The following DSCAM variants were observed in gnomAD, a reference collection of about 807,000 sequenced individuals.
DSCAM encodes the protein DS cell adhesion molecule.
In DSCAM, 47 loss-of-function variants were observed where a neutral mutation model predicts 217.7. The ratio of observed to expected loss-of-function variants is 0.22; its 90% confidence interval spans 0.17 to 0.28. DSCAM has a LOEUF of 0.28. DSCAM is among the 10% of genes least tolerant of loss of function. The pLI, the probability that DSCAM is intolerant of heterozygous loss-of-function variation, is 1.00. For missense variants in DSCAM, 2,080 were observed against 2,618.3 expected (o/e 0.79, Z 4.49); for synonymous variants, 1,056 against 1,015.3 (o/e 1.04, Z -0.76).
intron 1 of DSCAM, among the ~76,000 whole-genome samples, chr21:40,712,833 G>GA (rs987158855): frequency 6.6e-5 from 10 of 152,048 alleles, no homozygotes; most frequent in Non-Finnish European, 1.5e-4. Flanking sequence ...GAGAGAGAGA[G>GA]AAGGTGGGGG....
intron 1 of DSCAM, among the ~76,000 whole-genome samples, chr21:40,741,353 TA>T (rs1443708034): frequency 6.6e-6 from 1 of 152,196 alleles, no homozygotes; most frequent in Non-Finnish European, 1.5e-5. Flanking sequence ...ATTCACATGT[TA>T]ATAAAACATG....
At chr21:40,846,114 A>T (rs372076892) in intron 1 of DSCAM, among the ~76,000 whole-genome samples, 6 of 152,184 alleles carry the variant, frequency 3.9e-5, no homozygotes, top group African/African-American at 1.2e-4. Flanking sequence ...GAAGGACAGA[A>T]CATTCTTAAA....
intron 15 of DSCAM, among the ~76,000 whole-genome samples, chr21:40,178,427 A>G (rs2090756908): frequency 6.6e-6 from 1 of 152,220 alleles, no homozygotes; most frequent in South Asian, 2.1e-4. Context: ...AATAGAAAAA[A>G]GAGCAAAAAC....
chr21:40,219,220 T>C (rs1263891743), intron 11 of DSCAM, among the ~76,000 whole-genome samples: 1 of 152,226 alleles, frequency 6.6e-6, no homozygotes. Context: ...CTTTCCTGCA[T>C]CTATTGAGAT....
At chr21:40,637,632 A>AATATATATAT (rs72114529) in intron 3 of DSCAM, among the ~76,000 whole-genome samples, 3,320 of 42,020 alleles carry the variant, frequency 0.079, 190 homozygotes, top group South Asian at 0.12. Context: ...TACATATATA[A>AATATATATAT]ATATATATAA....
chr21:40,631,976 G>C (rs1053476250), intron 3 of DSCAM, among the ~76,000 whole-genome samples: 3 of 152,236 alleles, frequency 2.0e-5, no homozygotes, highest in African/African-American at 7.2e-5. Flanking sequence ...GTACAATTCT[G>C]ACAAAGTCTG....
intron 24 of DSCAM, among the ~76,000 whole-genome samples, chr21:40,081,717 T>G (rs577255240): frequency 7.9e-5 from 12 of 152,348 alleles, no homozygotes; most frequent in African/African-American, 2.9e-4. Flanking sequence ...TATAGTTCCC[T>G]GTCCCCTGCT....
chr21:40,115,871 C>G (rs538007266), intron 20 of DSCAM, among the ~76,000 whole-genome samples: 17 of 152,262 alleles, frequency 1.1e-4, no homozygotes, highest in Non-Finnish European at 1.9e-4. Context: ...CATTGCAGCT[C>G]TATTCACAAT....
chr21:40,450,852 G>T (rs556612011), intron 3 of DSCAM, among the ~76,000 whole-genome samples: 1 of 152,296 alleles, frequency 6.6e-6, no homozygotes, highest in African/African-American at 2.4e-5. Context: ...TTCCAGTAAC[G>T]ATTGAACAGT....
At chr21:40,542,974 T>C (rs1423715239) in intron 3 of DSCAM, among the ~76,000 whole-genome samples, 1 of 152,170 alleles carries the variant, frequency 6.6e-6, no homozygotes, top group Non-Finnish European at 1.5e-5. Flanking sequence ...GTGGTGCTGA[T>C]CACACTGTGT....
intron 14 of DSCAM, among the ~76,000 whole-genome samples, chr21:40,179,528 A>G (rs1009615710): frequency 8.5e-5 from 13 of 152,202 alleles, no homozygotes; most frequent in African/African-American, 3.1e-4. Context: ...GGCCCCCCCA[A>G]AATCCCTGGC....
chr21:40,780,301 C>A (rs1381929492), intron 1 of DSCAM, among the ~76,000 whole-genome samples: 1 of 151,962 alleles, frequency 6.6e-6, no homozygotes, highest in Non-Finnish European at 1.5e-5. Context: ...AACTGACATG[C>A]AACCTCTTGG....
chr21:40,175,097 C>T (rs2090709970), intron 15 of DSCAM, among the ~76,000 whole-genome samples: 1 of 152,148 alleles, frequency 6.6e-6, no homozygotes, highest in African/African-American at 2.4e-5. Flanking sequence ...TTATACACCA[C>T]AGAAGTTTAT....
At chr21:40,837,856 T>C (rs2092069351) in intron 1 of DSCAM, among the ~76,000 whole-genome samples, 1 of 152,204 alleles carries the variant, frequency 6.6e-6, no homozygotes, top group Non-Finnish European at 1.5e-5. Context: ...CAGGTAATAT[T>C]CCAAAGCATT....
intron 32 of DSCAM, among the ~76,000 whole-genome samples, chr21:40,039,742 G>C (rs2088708879): frequency 6.6e-6 from 1 of 152,136 alleles, no homozygotes; most frequent in South Asian, 2.1e-4. Flanking sequence ...CCACAGTCTG[G>C]CCAAATTCAT....
intron 27 of DSCAM, among the ~76,000 whole-genome samples, chr21:40,072,589 C>A (rs1309950879): frequency 6.6e-6 from 1 of 152,010 alleles, no homozygotes; most frequent in Non-Finnish European, 1.5e-5. Flanking sequence ...ACCTCGTGAT[C>A]CGCCCACCTT....
chr21:40,357,520 A>G (rs1315067966), intron 4 of DSCAM, among the ~76,000 whole-genome samples: 1 of 152,208 alleles, frequency 6.6e-6, no homozygotes, highest in African/African-American at 2.4e-5. Flanking sequence ...GGGATTTTTT[A>G]ATTCCTAGTA....
intron 3 of DSCAM, among the ~76,000 whole-genome samples, chr21:40,428,207 A>G (rs2075494364): frequency 6.6e-6 from 1 of 150,434 alleles, no homozygotes. Context: ...CGCTGGCCTC[A>G]ACTGTGTGAC....
At position 40,293,072 on chromosome 21, in the gene DSCAM, A is replaced by C. The variant is rs1482040771; in HGVS notation, c.2182+2983T>G. Reference sequence around the variant, plus strand: ...TTTTCTAAAAGAAAAACTGGCAAAAACCAAAAATATGACATTCAACAATAG... The same window carrying C: ...TTTTCTAAAAGAAAAACTGGCAAAACCCAAAAATATGACATTCAACAATAG... On this transcript the variant is annotated intron_variant, in intron 10 of 32. Transcript: ENST00000400454. 2.0e-5 allele frequency among the ~76,000 whole-genome samples: 3 copies of C among 152,068 alleles called. No individual in the cohort carries two copies. In the East Asian group the frequency reaches 5.8e-4, roughly 29 times the overall value.
Sources: allele counts gnomAD v4.1 joint callset (sites outside exome capture counted in the v4.1 genomes callset), GRCh38; gene constraint gnomAD v4.1.1; transcripts MANE v1.5; gene names NCBI Gene and HGNC (gene_info 2026-07-23, HGNC 2026-07-21).